Variants in COL21A1 observed in about 807,000 individuals in gnomAD.
COL21A1 encodes the protein collagen alpha-1(XXI) chain.
A neutral mutation model predicts 137.9 loss-of-function variants in COL21A1; 149 were observed. The observed-to-expected ratio is 1.08, with a 90% CI of 0.95 to 1.24. The LOEUF (loss-of-function observed/expected upper bound fraction) is 1.24. Among genes scored for constraint, COL21A1 ranks in the 50% most tolerant of loss-of-function variants. COL21A1 has a pLI of 0.00. For missense variants in COL21A1, 1,167 were observed against 1,158.4 expected (o/e 1.01, Z -0.11); for synonymous variants, 456 against 391.5 (o/e 1.16, Z -1.95).
upstream of COL21A1, among the ~76,000 whole-genome samples, chr6:56,250,043 A>T (rs901563042): frequency 3.9e-5 from 6 of 152,236 alleles, no homozygotes; most frequent in Non-Finnish European, 8.8e-5. Context: ...CTAGAGAACT[A>T]TTCTTGTCCT....
intron 1 of COL21A1, among the ~76,000 whole-genome samples, chr6:56,254,420 A>G (rs1782922908): frequency 1.3e-5 from 2 of 152,340 alleles, no homozygotes; most frequent in East Asian, 1.9e-4. Flanking sequence ...GAAAGCACAT[A>G]GTAAGTACTG....
intron 16 of COL21A1, among the ~76,000 whole-genome samples, chr6:56,107,706 A>T (rs1771073291): frequency 6.6e-6 from 1 of 152,124 alleles, no homozygotes. Context: ...TTCAAATAAT[A>T]AAAGTGTAGA....
chr6:56,136,482 A>C (rs1400193479), intron 12 of COL21A1, among the ~76,000 whole-genome samples: 1 of 152,176 alleles, frequency 6.6e-6, no homozygotes, highest in Non-Finnish European at 1.5e-5. Context: ...CAAGTGATTA[A>C]AGTCAAAGAG....
At chr6:56,092,118 T>C (rs960364254) in intron 17 of COL21A1, among the ~76,000 whole-genome samples, 24 of 151,972 alleles carry the variant, frequency 1.6e-4, no homozygotes, top group African/African-American at 5.6e-4. Flanking sequence ...AAAAAAACAC[T>C]AAAAAGCACT....
intron 25 of COL21A1, 77 bp downstream of exon 25, chr6:56,061,572 A>G: frequency 1.1e-6 from 1 of 881,990 alleles, no homozygotes; most frequent in Non-Finnish European, 1.7e-6. Flanking sequence ...CAAAAGCTAG[A>G]TTTATATAGT....
chr6:56,200,214 T>A (rs1779290817), intron 1 of COL21A1, among the ~76,000 whole-genome samples: 1 of 152,206 alleles, frequency 6.6e-6, no homozygotes, highest in Non-Finnish European at 1.5e-5. Context: ...AGTAGCATGA[T>A]TCACAAGCAT....
At chr6:56,148,688 C>T (rs914064261) in intron 10 of COL21A1, among the ~76,000 whole-genome samples, 1 of 152,088 alleles carries the variant, frequency 6.6e-6, no homozygotes, top group African/African-American at 2.4e-5. Flanking sequence ...ATCTCATAGG[C>T]CTTACTTGTT....
At chr6:56,249,857 A>G (rs1925158), upstream of COL21A1, among the ~76,000 whole-genome samples, 42,677 of 152,102 alleles carry the variant, frequency 0.28, 7,127 homozygotes, top group East Asian at 0.67. Context: ...AGAATGGTCA[A>G]TTTTACAGTA....
At position 56,328,292 on chromosome 6, in the gene COL21A1, T is replaced by C. The variant is rs111459883; in HGVS notation, c.-39+65679A>G. 4.1e-3 allele frequency among the ~76,000 whole-genome samples: 626 copies of C among 152,224 alleles called. 3 individuals are homozygous for C. Among genetic ancestry groups the C allele is most frequent in the African/African-American group, 0.015 (611 of 41,566 alleles). On this transcript the variant is annotated intron_variant, in intron 1 of 28. Coordinates refer to the COL21A1 transcript ENST00000370819. ...ATATATTTTAATAGTCTGTCCTATCTCAAATTTGATAATACAATATGCATA... is the reference window on the plus strand; with the variant it reads ...ATATATTTTAATAGTCTGTCCTATCCCAAATTTGATAATACAATATGCATA...
At chr6:56,065,909 A>G (rs1046348743) in intron 23 of COL21A1, among the ~76,000 whole-genome samples, 7 of 151,988 alleles carry the variant, frequency 4.6e-5, no homozygotes, top group Non-Finnish European at 8.8e-5. Context: ...GAGACCAGTT[A>G]GGAAGATATT....
intron 1 of COL21A1, among the ~76,000 whole-genome samples, chr6:56,238,558 G>A (rs1485135520): frequency 6.6e-6 from 1 of 151,654 alleles, no homozygotes; most frequent in Non-Finnish European, 1.5e-5. Flanking sequence ...GACTACAACT[G>A]TGCCATTACA....
chr6:56,062,877 G>C (rs1669292244), intron 24 of COL21A1, among the ~76,000 whole-genome samples: 1 of 152,128 alleles, frequency 6.6e-6, no homozygotes, highest in African/African-American at 2.4e-5. Context: ...AATTGAATTA[G>C]AGCTAAAACT....
chr6:56,368,179 G>A (rs1251778836), intron 1 of COL21A1, among the ~76,000 whole-genome samples: 2 of 152,050 alleles, frequency 1.3e-5, no homozygotes, highest in African/African-American at 2.4e-5. Context: ...ACTAAGCAGG[G>A]GGGTATTTGC....
chr6:56,191,393 T>A (rs1167421301), intron 1 of COL21A1, among the ~76,000 whole-genome samples: 1 of 148,510 alleles, frequency 6.7e-6, no homozygotes, highest in Non-Finnish European at 1.5e-5. Context: ...AAGACCAGAC[T>A]GACCAACATG....
chr6:56,149,672 T>C (rs1398066146), intron 10 of COL21A1, among the ~76,000 whole-genome samples: 1 of 152,180 alleles, frequency 6.6e-6, no homozygotes, highest in East Asian at 1.9e-4. Flanking sequence ...TAGTCTCCTT[T>C]GACTTCTCTC....
intron 1 of COL21A1, among the ~76,000 whole-genome samples, chr6:56,392,047 C>A (rs1275090041): frequency 6.6e-6 from 1 of 152,000 alleles, no homozygotes; most frequent in Admixed American, 6.6e-5. Context: ...GACAAAGACA[C>A]AACAAAAGAA....
chr6:56,191,027 C>T (rs1478172256), intron 1 of COL21A1, among the ~76,000 whole-genome samples: 2 of 152,176 alleles, frequency 1.3e-5, no homozygotes, highest in Non-Finnish European at 2.9e-5. Flanking sequence ...TGGAAGCATT[C>T]CCTTTGAAAA....
At chr6:56,334,495 G>T (rs6926623) in intron 1 of COL21A1, among the ~76,000 whole-genome samples, 102,636 of 152,036 alleles carry the variant, frequency 0.68, 34,985 homozygotes, top group East Asian at 0.9. Flanking sequence ...ATGAAGAAGC[G>T]GTAAAAATAA....
At chr6:56,097,745 T>C (rs1769486316) in intron 17 of COL21A1, among the ~76,000 whole-genome samples, 1 of 129,408 alleles carries the variant, frequency 7.7e-6, no homozygotes, top group Non-Finnish European at 1.6e-5. Flanking sequence ...CTCCTCATTT[T>C]ATATTTTTTA....
Sources: gnomAD v4.1 joint callset for allele counts (sites outside exome capture counted in the v4.1 genomes callset) on GRCh38, gnomAD v4.1.1 for gene constraint, MANE v1.5 for transcripts, NCBI Gene and HGNC (gene_info 2026-07-23, HGNC 2026-07-21) for gene names.